DROSHA: variants seen among roughly 807,000 people sequenced by gnomAD.
DROSHA encodes the protein drosha ribonuclease III, also known as ribonuclease 3.
In DROSHA, 56 loss-of-function variants were observed where a neutral mutation model predicts 181.9. The ratio of observed to expected loss-of-function variants is 0.31; its 90% CI spans 0.25 to 0.38. The LOEUF (loss-of-function observed/expected upper bound fraction) is 0.38, where lower values mean the gene tolerates loss of function less well. DROSHA is among the 10% of genes least tolerant of loss of function. DROSHA has a pLI of 1.00. For synonymous variants in DROSHA, 524 were observed against 591.2 expected, an observed-to-expected ratio of 0.89 and a Z score of 1.65; for missense variants, 1,218 against 1,743.5, an observed-to-expected ratio of 0.70 and a Z score of 5.37.
chr5:31,450,330 T>C (rs938801531), intron 21 of DROSHA, among the ~76,000 whole-genome samples: 3 of 152,208 alleles, frequency 2.0e-5, no homozygotes, highest in Admixed American at 2.0e-4. Flanking sequence ...CACTACTGTG[T>C]ATCTACCCAA....
In DROSHA at chr5:31,409,546, A is replaced by G; in HGVS notation, c.3668-214T>C. Reference sequence around the variant, plus strand: ...AAGATGCAAATCATAGAGTACAAACACCAAACTGCATTTAGCTAAGGGCTA... The same window carrying G: ...AAGATGCAAATCATAGAGTACAAACGCCAAACTGCATTTAGCTAAGGGCTA... On this transcript the variant is annotated intron_variant, in intron 31 of 35. Coordinates refer to ENST00000344624, the MANE Select transcript of DROSHA (RefSeq NM_001382508.1). The surrounding 1 kb of genome is among the most constrained non-coding windows in gnomAD (Gnocchi z 4.0). 1 of 541,582 alleles carries G rather than the reference A, an allele frequency of 1.8e-6. No homozygotes were observed. Among genetic ancestry groups the G allele is most frequent in the Non-Finnish European group, 3.3e-6 (1 of 299,906 alleles). The allele number at this position is 541,582 out of a possible 1,614,324, so 33.5% of individuals were successfully genotyped here.
At chr5:31,458,664 A>G (rs1432477465) in intron 20 of DROSHA, among the ~76,000 whole-genome samples, 1 of 152,228 alleles carries the variant, frequency 6.6e-6, no homozygotes, top group South Asian at 2.1e-4. Flanking sequence ...GATGATGGAA[A>G]TATCCTATTA....
intron 20 of DROSHA, among the ~76,000 whole-genome samples, chr5:31,461,624 TTCTGGA>T (rs1561198307): frequency 8.5e-5 from 13 of 152,136 alleles, no homozygotes; most frequent in Non-Finnish European, 1.5e-4. Flanking sequence ...TTCCAGTTCA[TTCTGGA>T]ACAAGGAAAG....
At chr5:31,450,055 A>T (rs1413177656) in intron 21 of DROSHA, among the ~76,000 whole-genome samples, 2 of 152,214 alleles carry the variant, frequency 1.3e-5, no homozygotes, top group African/African-American at 2.4e-5. Flanking sequence ...GCCAACAAAC[A>T]TGAAAGAATG....
At chr5:31,525,248 T>C (rs966637082) in intron 5 of DROSHA, among the ~76,000 whole-genome samples, 1 of 149,586 alleles carries the variant, frequency 6.7e-6, no homozygotes, top group Non-Finnish European at 1.5e-5. Flanking sequence ...GGAGAATCAC[T>C]TGAACCCAGA....
chr5:31,501,512 G>A (rs938292391), intron 11 of DROSHA, among the ~76,000 whole-genome samples: 3 of 151,994 alleles, frequency 2.0e-5, no homozygotes, highest in African/African-American at 7.2e-5. Context: ...GCACTGTGGG[G>A]ATGGAAGAGG....
At position 31,497,080 on chromosome 5, in the gene DROSHA, C is replaced by A. The variant is rs78078235; in HGVS notation, c.1669-1708G>T. On this transcript the variant is annotated intron_variant, in intron 11 of 35. Coordinates refer to ENST00000344624, the MANE Select transcript of DROSHA (RefSeq NM_001382508.1). ...GGATCATCATTCCACAGCTTGAAGG[C>A]CTACGGATCAGCCAGGCCAAGTGAT... Among the ~76,000 whole-genome samples the A allele has an allele frequency of 0.021, 3,273 of 152,262 alleles. 186 individuals carry two copies. In the East Asian group the frequency reaches 0.22, roughly 10 times the overall value.
intron 24 of DROSHA, 123 bp from the exon 25 acceptor site, chr5:31,435,987 A>G (rs1459263748): frequency 1.2e-6 from 1 of 804,136 alleles, no homozygotes; most frequent in Non-Finnish European, 1.9e-6. Flanking sequence ...GAATCAAACT[A>G]AAGGATCTGA....
intron 23 of DROSHA, 120 bp downstream of exon 23, chr5:31,448,427 C>T: frequency 2.5e-6 from 2 of 804,218 alleles, no homozygotes; most frequent in South Asian, 1.7e-5. Context: ...TAGATGATGG[C>T]CATGGATACA....
At position 31,422,894 on chromosome 5, in the gene DROSHA, T is replaced by C. The variant is rs1006321001; in HGVS notation, c.3312A>G (p.Leu1104=). Residue 1104 remains leucine (L), a synonymous_variant, in exon 29 of 36, where the codon CTA becomes CTG. Transcript: ENST00000344624. ...CTTCTTCAAACTCAGTAAGTTTTTG[T>C]AGAACTGGAGAAGTTTCAATAAGTT... The part of the protein sequence containing the change: ...DRQLIETSPV[L]QKLTEFEEAI... 1 of 1,612,882 alleles carries C rather than the reference T, an allele frequency of 6.2e-7. No homozygotes were observed. The highest frequency in any genetic ancestry group is 8.5e-7 in the Non-Finnish European group (1 of 1,179,456).
chr5:31,505,157 GT>G (rs1291474482), intron 10 of DROSHA, among the ~76,000 whole-genome samples: 2 of 152,152 alleles, frequency 1.3e-5, no homozygotes, highest in Non-Finnish European at 2.9e-5. Context: ...CTCTGAATTT[GT>G]TTTAGTGCCA....
intron 20 of DROSHA, among the ~76,000 whole-genome samples, chr5:31,456,263 ATAAT>A (rs1747646661): frequency 6.6e-6 from 1 of 152,222 alleles, no homozygotes. Context: ...AATATAAGAA[ATAAT>A]TAAACATTCT....
intron 33 of DROSHA, 71 bp downstream of exon 33, chr5:31,408,985 T>G (rs1013050576): frequency 1.4e-6 from 2 of 1,413,814 alleles, no homozygotes; most frequent in Non-Finnish European, 2.0e-6. Context: ...GACTCATTCT[T>G]CAAGGCACAT....
intron 20 of DROSHA, among the ~76,000 whole-genome samples, chr5:31,460,981 T>C (rs777195470): frequency 2.6e-5 from 4 of 152,146 alleles, no homozygotes; most frequent in African/African-American, 9.7e-5. Flanking sequence ...AAAATCTTTA[T>C]GTTAAGAACA....
Position 31,424,465 on chromosome 5 carries a change from G to T in DROSHA, c.3223C>A (p.Arg1075Ser). 6.3e-7 allele frequency: 1 copy of T among 1,593,484 alleles called. No homozygotes were observed. ...AGAGGATAATTGAGCCAGACTTCGC[G>T]CAGGTCCTGGAAAATGGAGTGATGC... ...GRLLFNDPDL[R>S]EVWLNYPLHP... The change falls in exon 28 of 36, where the codon CGC becomes AGC. Residue 1075 changes from arginine (R) to serine (S), a missense_variant. Around this residue, in one of 8 missense-constraint regions of DROSHA, gnomAD observed 71 missense variants for 95.2 expected, o/e 0.75. Coordinates refer to ENST00000344624, the MANE Select transcript of DROSHA (RefSeq NM_001382508.1).
In DROSHA at chr5:31,400,972, T is replaced by A. The variant is rs1360438811; in HGVS notation, c.*460A>T. ...TCAATATTTGCAGCTGATAACTTGATGAACAGCCACCGGATGAAAGCTGAA... is the reference window on the plus strand; with the variant it reads ...TCAATATTTGCAGCTGATAACTTGAAGAACAGCCACCGGATGAAAGCTGAA... On this transcript the variant is annotated 3_prime_UTR_variant, in exon 36 of 36. Coordinates refer to ENST00000344624, the MANE Select transcript of DROSHA (RefSeq NM_001382508.1). 1 of 173,456 alleles carries A rather than the reference T, an allele frequency of 5.8e-6. No individual in the cohort carries two copies. The highest frequency in any genetic ancestry group is 2.4e-5 in the African/African-American group (1 of 41,734). The allele number at this position is 173,456 out of a possible 1,614,324, so 10.7% of individuals were successfully genotyped here.
intron 30 of DROSHA, among the ~76,000 whole-genome samples, chr5:31,415,280 G>A (rs1368193799): frequency 6.6e-6 from 1 of 152,172 alleles, no homozygotes; most frequent in Admixed American, 6.6e-5. Flanking sequence ...AGAACACGGG[G>A]TGAAAGCAGA....
chr5:31,503,013 G>A (rs1215815517), intron 11 of DROSHA, among the ~76,000 whole-genome samples: 3 of 152,118 alleles, frequency 2.0e-5, no homozygotes, highest in African/African-American at 7.2e-5. Context: ...AGGTCTTGGG[G>A]TAGAGACTTG....
chr5:31,410,926 C>T, intron 30 of DROSHA, 39 bp from the exon 31 acceptor site: 1 of 1,610,738 alleles, frequency 6.2e-7, no homozygotes, highest in East Asian at 2.2e-5. Context: ...GAACACATTT[C>T]ACTTTTGACC....
Sources: allele counts gnomAD v4.1 joint callset (sites outside exome capture counted in the v4.1 genomes callset), GRCh38; gene constraint gnomAD v4.1.1; regional missense constraint gnomAD v4.1.1; non-coding constraint Gnocchi (gnomAD v3.1); transcripts MANE v1.5; gene names NCBI Gene and HGNC (gene_info 2026-07-23, HGNC 2026-07-21).